Variants in MAPK10 observed in about 807,000 individuals in gnomAD.
The protein encoded by MAPK10 is mitogen-activated protein kinase 10, also known as JNK3 alpha protein kinase.
Under a neutral mutation model 59.3 loss-of-function variants are expected in MAPK10, and 25 were observed. That is an observed-to-expected ratio of 0.42 (90% CI 0.31 to 0.59). The LOEUF (loss-of-function observed/expected upper bound fraction) is 0.59. Among genes scored for constraint, MAPK10 ranks in the 20% least tolerant of loss-of-function variants. The probability of loss-of-function intolerance (pLI) is 0.15; values close to 1 mark genes in which losing one functional copy is unlikely to be tolerated. For missense variants in MAPK10, 351 were observed against 568.9 expected (o/e 0.62, Z 3.90); for synonymous variants, 190 against 200.5 (o/e 0.95, Z 0.44).
intron 4 of MAPK10, among the ~76,000 whole-genome samples, chr4:86,115,755 C>T: frequency 6.6e-6 from 1 of 152,162 alleles, no homozygotes; most frequent in South Asian, 2.1e-4. Context: ...GCCACCAGGC[C>T]CGGCCTGGAG....
At chr4:86,168,144 G>C (rs540064841) in intron 3 of MAPK10, among the ~76,000 whole-genome samples, 4 of 152,208 alleles carry the variant, frequency 2.6e-5, no homozygotes, top group Non-Finnish European at 5.9e-5. Flanking sequence ...CACAGAAGAC[G>C]GGTGATTTCT....
intron 2 of MAPK10, among the ~76,000 whole-genome samples, chr4:86,198,342 T>C (rs1395821894): frequency 1.3e-5 from 2 of 152,066 alleles, no homozygotes; most frequent in Non-Finnish European, 1.5e-5. Context: ...CAACTGTGTG[T>C]GCTGAGGTCA....
intron 3 of MAPK10, among the ~76,000 whole-genome samples, chr4:86,175,001 T>G (rs2075349626): frequency 1.6e-5 from 2 of 125,984 alleles, no homozygotes; most frequent in African/African-American, 5.9e-5. Flanking sequence ...CACTGAATTT[T>G]ACACCTTTTG....
At chr4:86,316,958 T>A (rs1401253356) in intron 2 of MAPK10, among the ~76,000 whole-genome samples, 1 of 152,186 alleles carries the variant, frequency 6.6e-6, no homozygotes, top group Non-Finnish European at 1.5e-5. Context: ...ATACTCAAAA[T>A]TTTTTAACCA....
chr4:86,454,396 A>G (rs1338251466), upstream of MAPK10, among the ~76,000 whole-genome samples: 2 of 152,194 alleles, frequency 1.3e-5, no homozygotes, highest in Non-Finnish European at 2.9e-5. Flanking sequence ...GAAATAGTCA[A>G]TGAAATAGAC....
intron 2 of MAPK10, among the ~76,000 whole-genome samples, chr4:86,295,109 C>T (rs187745321): frequency 1.7e-4 from 26 of 152,314 alleles, no homozygotes; most frequent in Admixed American, 5.2e-4. Flanking sequence ...AAAATGTCAA[C>T]GCCATCCAAA....
intron 9 of MAPK10, chr4:86,080,455 T>A (rs979248603): frequency 6.6e-6 from 1 of 151,888 alleles, no homozygotes; most frequent in African/African-American, 2.4e-5. Flanking sequence ...TAAAATAAAT[T>A]TCAATGTAAA....
chr4:86,364,224 T>C (rs1293218157), upstream of MAPK10, among the ~76,000 whole-genome samples: 2 of 152,130 alleles, frequency 1.3e-5, no homozygotes, highest in Admixed American at 6.5e-5. Flanking sequence ...CCTCCCAGGC[T>C]CAAGAGATTC....
intron 1 of MAPK10, among the ~76,000 whole-genome samples, chr4:86,415,437 A>C (rs1421188910): frequency 6.6e-6 from 1 of 152,232 alleles, no homozygotes; most frequent in Non-Finnish European, 1.5e-5. Flanking sequence ...ATTACACAAT[A>C]GAGCTTTTGA....
rs140643973 is a variant in MAPK10, at chr4:86,034,763, C to G, written c.1111-3332G>C. On this transcript the variant is annotated intron_variant, in intron 11 of 13. Transcript: ENST00000641462. ...CCTAACAAAGCCTAGATTTGATTTC[C>G]TGGAGTAAAGTGATGCTTATTCAGT... is the stretch of plus-strand genomic sequence containing the variant. Among the ~76,000 whole-genome samples, 349 of 152,164 alleles carry G rather than the reference C, an allele frequency of 2.3e-3. 6 individuals are homozygous for G. Among genetic ancestry groups the G allele is most frequent in the Non-Finnish European group, 2.9e-4 (20 of 68,010 alleles).
At chr4:86,040,842 A>G (rs565940395) in intron 11 of MAPK10, 38 of 152,292 alleles carry the variant, frequency 2.5e-4, no homozygotes, top group African/African-American at 9.1e-4. Flanking sequence ...TTAAAATAAA[A>G]TAAAAAAACT....
At chr4:86,501,680 G>GCACACACACACACA (rs144986675) in intron 1 of MAPK10, among the ~76,000 whole-genome samples, 1 of 146,930 alleles carries the variant, frequency 6.8e-6, no homozygotes, top group African/African-American at 2.5e-5. Flanking sequence ...GTGTGTGCAT[G>GCACACACACACACA]CACACACACA....
intron 2 of MAPK10, among the ~76,000 whole-genome samples, chr4:86,205,079 C>T (rs769107137): frequency 6.6e-6 from 1 of 151,800 alleles, no homozygotes; most frequent in Admixed American, 6.6e-5. Flanking sequence ...AAAAATTAAG[C>T]TATAAGCTAT....
intron 1 of MAPK10, among the ~76,000 whole-genome samples, chr4:86,549,430 A>T (rs1759578538): frequency 6.6e-6 from 1 of 152,238 alleles, no homozygotes; most frequent in South Asian, 2.1e-4. Context: ...GAATTGTAAC[A>T]CAATGGTATT....
intron 1 of MAPK10, among the ~76,000 whole-genome samples, chr4:86,574,928 G>C (rs994630059): frequency 3.3e-5 from 5 of 152,100 alleles, no homozygotes; most frequent in Non-Finnish European, 2.9e-5. Context: ...ATGTCAACTT[G>C]ATTGTGCCAA....
At chr4:86,516,456 T>C (rs891662751) in intron 1 of MAPK10, among the ~76,000 whole-genome samples, 1 of 152,222 alleles carries the variant, frequency 6.6e-6, no homozygotes, top group Non-Finnish European at 1.5e-5. Flanking sequence ...GCATTGAATT[T>C]ATACATTGCT....
intron 2 of MAPK10, among the ~76,000 whole-genome samples, chr4:86,239,447 A>T (rs571952926): frequency 6.6e-6 from 1 of 152,008 alleles, no homozygotes; most frequent in Admixed American, 6.6e-5. Flanking sequence ...TGTATTTCTG[A>T]TAGAATTTAG....
intron 2 of MAPK10, among the ~76,000 whole-genome samples, chr4:86,339,871 G>A (rs1397841098): frequency 1.3e-5 from 2 of 152,150 alleles, no homozygotes; most frequent in Non-Finnish European, 2.9e-5. Context: ...AATATTCAAT[G>A]AGCAATTATG....
intron 1 of MAPK10, among the ~76,000 whole-genome samples, chr4:86,380,253 A>G (rs1740485383): frequency 6.6e-6 from 1 of 152,020 alleles, no homozygotes; most frequent in African/African-American, 2.4e-5. Context: ...AAACAAAAAA[A>G]ACCCCCCCAA....
Sources: gnomAD v4.1 joint callset for allele counts (sites outside exome capture counted in the v4.1 genomes callset) on GRCh38, gnomAD v4.1.1 for gene constraint, MANE v1.5 for transcripts, NCBI Gene and HGNC (gene_info 2026-07-23, HGNC 2026-07-21) for gene names.